PPARG: variants seen among roughly 807,000 people sequenced by gnomAD.
PPARG encodes the protein peroxisome proliferator activated receptor gamma.
In PPARG, 17 loss-of-function variants were observed where a neutral mutation model predicts 39.2. The observed-to-expected ratio is 0.43, with a 90% CI of 0.30 to 0.65. The LOEUF is 0.65. Among genes scored for constraint, PPARG ranks in the 30% least tolerant of loss-of-function variants. PPARG has a pLI of 0.13. For synonymous variants in PPARG, 223 were observed against 215.7 expected, an observed-to-expected ratio of 1.03 and a Z score of -0.30; for missense variants, 406 against 585.9, an observed-to-expected ratio of 0.69 and a Z score of 3.17.
Position 12,382,173 on chromosome 3 carries a change from G to A in PPARG, c.390+682G>A, listed in dbSNP as rs539488235. ...GTTGGCTCTCAAAGCAGTGCCTCATGTTTCCTTATTCCAGCATCAATGTGA... is the reference window on the plus strand; with the variant it reads ...GTTGGCTCTCAAAGCAGTGCCTCATATTTCCTTATTCCAGCATCAATGTGA... On this transcript the variant is annotated intron_variant, in intron 4 of 7. Coordinates refer to ENST00000651735, the MANE Select transcript of PPARG (RefSeq NM_138711.6). Among the ~76,000 whole-genome samples the A allele has an allele frequency of 1.1e-4, 17 of 152,162 alleles. No individual in the cohort carries two copies. The East Asian group carries it at 3.1e-3, about 28-fold the overall frequency.
intron 7 of PPARG, among the ~76,000 whole-genome samples, chr3:12,423,802 T>C (rs2051343933): frequency 6.6e-6 from 1 of 152,252 alleles, no homozygotes; most frequent in African/African-American, 2.4e-5. Flanking sequence ...TGGTGAAAGT[T>C]GTTTTTCTCT....
intron 2 of PPARG, among the ~76,000 whole-genome samples, chr3:12,368,119 A>G (rs1459766477): frequency 3.3e-5 from 5 of 151,968 alleles, no homozygotes; most frequent in Non-Finnish European, 5.9e-5. Context: ...ACATTTGTTT[A>G]TATTGAAGAA....
At chr3:12,354,517 G>A (rs1030892301) in intron 2 of PPARG, among the ~76,000 whole-genome samples, 7 of 151,994 alleles carry the variant, frequency 4.6e-5, no homozygotes, top group South Asian at 4.2e-4. Flanking sequence ...AGGCCGAGGC[G>A]GGCAGATCAC....
chr3:12,309,468 T>C lies in PPARG; in HGVS notation c.-82-2912T>C, dbSNP rs1267102178. On this transcript the variant is annotated intron_variant, in intron 1 of 7. Coordinates refer to ENST00000651735, the MANE Select transcript of PPARG (RefSeq NM_138711.6). ...GTTAATTAACATTTTATTTATTATT[T>C]AAAATCAATATTGATAAGTGGGACT... is the stretch of plus-strand genomic sequence containing the variant. Among the ~76,000 whole-genome samples the C allele has an allele frequency of 2.0e-5, 3 of 152,178 alleles. No individual in the cohort carries two copies. In the East Asian group the frequency reaches 5.8e-4, roughly 29 times the overall value.
chr3:12,432,217 G>A lies in PPARG; in HGVS notation c.1181-1681G>A, dbSNP rs1376244354. ...CCTCTCAACTTGGTGTATAAGGCTA[G>A]TTAACATTGTTACTAAAACAGGCAA... On this transcript the variant is annotated intron_variant, in intron 7 of 7. Transcript: ENST00000651735. 2.6e-5 allele frequency among the ~76,000 whole-genome samples: 4 copies of A among 152,262 alleles called. No individual in the cohort carries two copies. The East Asian group carries it at 7.7e-4, about 29-fold the overall frequency.
intron 2 of PPARG, among the ~76,000 whole-genome samples, chr3:12,359,449 CTTTATTTAA>C (rs947617479): frequency 1.3e-5 from 2 of 152,084 alleles, no homozygotes; most frequent in African/African-American, 4.8e-5. Context: ...TAACCCCCAA[CTTTATTTAA>C]TTTAAATGGA....
intron 2 of PPARG, chr3:12,351,723 T>A: frequency 6.9e-7 from 1 of 1,440,898 alleles, no homozygotes; most frequent in Non-Finnish European, 9.8e-7. Context: ...GGCATTTATG[T>A]AAGGGTAAAA....
In PPARG at chr3:12,408,438, G is replaced by A. The variant is rs140440965; in HGVS notation, c.729+2357G>A. Among the ~76,000 whole-genome samples, 85 of 152,174 alleles carry A rather than the reference G, an allele frequency of 5.6e-4. No individual in the cohort carries two copies. The East Asian group carries it at 0.014, about 26-fold the overall frequency. ...ATCAAAAATAAATGAAGACCTCTGC[G>A]TAGCTGATTGGACTACAGAAAATAA... On this transcript the variant is annotated intron_variant, in intron 6 of 7. Coordinates refer to ENST00000651735, the MANE Select transcript of PPARG (RefSeq NM_138711.6).
At chr3:12,337,410 G>A (rs1353607241) in intron 2 of PPARG, among the ~76,000 whole-genome samples, 1 of 152,108 alleles carries the variant, frequency 6.6e-6, no homozygotes, top group Non-Finnish European at 1.5e-5. Context: ...TGGGTGTGTG[G>A]GCAGAGTATA....
At position 12,420,974 on chromosome 3, in the gene PPARG, AAGTTCAGGACTTGGTACCT is replaced by A. The variant is rs2051240377; in HGVS notation, c.1180+3821_1180+3839del. ...GGAACAGCAACCTATTCTAGAACCA[AAGTTCAGGACTTGGTACCT>A]TTTTAAGGGCATTTCATGTTCATTC... is the stretch of plus-strand genomic sequence containing the variant. On this transcript the variant is annotated intron_variant, in intron 7 of 7. Transcript: ENST00000651735. Among the ~76,000 whole-genome samples, 3 of 152,314 alleles carry A rather than the reference AAGTTCAGGACTTGGTACCT, an allele frequency of 2.0e-5. No individual in the cohort carries two copies. The South Asian group carries it at 6.2e-4, about 32-fold the overall frequency.
At chr3:12,372,672 GGT>G (rs1342130675) in intron 2 of PPARG, among the ~76,000 whole-genome samples, 1 of 152,054 alleles carries the variant, frequency 6.6e-6, no homozygotes, top group Non-Finnish European at 1.5e-5. Flanking sequence ...ATATATTTCT[GGT>G]GTTCAATTTT....
At chr3:12,296,695 G>A (rs1203963330) in intron 1 of PPARG, among the ~76,000 whole-genome samples, 1 of 152,170 alleles carries the variant, frequency 6.6e-6, no homozygotes, top group Non-Finnish European at 1.5e-5. Flanking sequence ...TCACTAATTA[G>A]ACCTTGCAAC....
chr3:12,384,278 T>C (rs755101895), intron 4 of PPARG, among the ~76,000 whole-genome samples: 1 of 152,178 alleles, frequency 6.6e-6, no homozygotes, highest in African/African-American at 2.4e-5. Flanking sequence ...AAATAGCATT[T>C]ATTGTATACT....
chr3:12,328,135 A>G lies in PPARG; in HGVS notation c.-9+15682A>G, dbSNP rs980076008. On this transcript the variant is annotated intron_variant, in intron 2 of 7. Transcript: ENST00000651735. ...GTTTATTTTTCAGTCCAAGGAAGCA[A>G]TTCACAATCAACTGTTAGAGAAGCA... 3.1e-6 allele frequency: 4 copies of G among 1,285,526 alleles called. No homozygotes were observed. In the African/African-American group the frequency reaches 5.8e-5, roughly 19 times the overall value. The allele number at this position is 1,285,526 out of a possible 1,614,324, so 79.6% of individuals were successfully genotyped here. A position where few individuals can be genotyped will look rare whatever the true frequency, so the allele number is the denominator to read the frequency against.
At chr3:12,412,740 C>T (rs1369977208) in intron 6 of PPARG, among the ~76,000 whole-genome samples, 1 of 152,142 alleles carries the variant, frequency 6.6e-6, no homozygotes, top group Admixed American at 6.5e-5. Flanking sequence ...AGGGCCGAAG[C>T]AATTTTATTC....
At position 12,406,472 on chromosome 3, in the gene PPARG, G is replaced by A. The variant is rs985124099; in HGVS notation, c.729+391G>A. The A allele has an allele frequency of 8.5e-6, 2 of 234,408 alleles. 1 individual carries two copies. The highest frequency in any genetic ancestry group is 1.1e-4 in the South Asian group (2 of 18,440). 14.5% of individuals were successfully genotyped at this position (234,408 alleles called of 1,614,324 possible). A position where few individuals can be genotyped will look rare whatever the true frequency, so the allele number is the denominator to read the frequency against. On this transcript the variant is annotated intron_variant, in intron 6 of 7. Transcript: ENST00000651735. ...TTCCTCTGGGAAGAACCCGACCTAG[G>A]TTTAGAAAAGGTATTGAATCCCACT...
At chr3:12,337,817 C>T (rs1019528711) in intron 2 of PPARG, among the ~76,000 whole-genome samples, 16 of 152,014 alleles carry the variant, frequency 1.1e-4, no homozygotes, top group South Asian at 2.1e-4. Flanking sequence ...ATGTAAAATA[C>T]GGTATAAACA....
At chr3:12,336,960 A>G (rs907504229) in intron 2 of PPARG, among the ~76,000 whole-genome samples, 1 of 152,244 alleles carries the variant, frequency 6.6e-6, no homozygotes, top group Non-Finnish European at 1.5e-5. Context: ...TTAGCAATCA[A>G]TCAATCAAGT....
rs115116103 is a variant in PPARG, at chr3:12,375,063, G to A, written c.-8-4641G>A. Among the ~76,000 whole-genome samples, 354 of 152,010 alleles carry A rather than the reference G, an allele frequency of 2.3e-3. 1 individual carries two copies. Among genetic ancestry groups the A allele is most frequent in the African/African-American group, 7.7e-3 (319 of 41,424 alleles). On this transcript the variant is annotated intron_variant, in intron 2 of 7. Transcript: ENST00000651735. Reference sequence around the variant, plus strand: ...CCAAAATTTCCACAATGTAATACACGACCCCTAGGGATATGACTTTTGTAA... The same window carrying A: ...CCAAAATTTCCACAATGTAATACACAACCCCTAGGGATATGACTTTTGTAA...
Sources: allele counts gnomAD v4.1 joint callset (sites outside exome capture counted in the v4.1 genomes callset), GRCh38; gene constraint gnomAD v4.1.1; transcripts MANE v1.5; gene names NCBI Gene and HGNC (gene_info 2026-07-23, HGNC 2026-07-21).